FBXL17: variants seen among roughly 807,000 people sequenced by gnomAD.
FBXL17 encodes the protein F-box and leucine rich repeat protein 17.
A neutral mutation model predicts 66.2 loss-of-function variants in FBXL17; 22 were observed. That is an observed-to-expected ratio of 0.33 (90% CI 0.24 to 0.47). The LOEUF is 0.47. Ranked by LOEUF, FBXL17 falls within the 20% of genes least tolerant of loss-of-function variation. The probability of loss-of-function intolerance (pLI) is 1.00; values close to 1 mark genes in which losing one functional copy is unlikely to be tolerated. For missense variants in FBXL17, 878 were observed against 948.2 expected, an observed-to-expected ratio of 0.93 and a Z score of 0.97; for synonymous variants, 474 against 400.5, an observed-to-expected ratio of 1.18 and a Z score of -2.19.
chr5:108,029,272 A>C (rs1408633775), intron 6 of FBXL17, among the ~76,000 whole-genome samples: 1 of 152,146 alleles, frequency 6.6e-6, no homozygotes, highest in Non-Finnish European at 1.5e-5. Flanking sequence ...TAGGGAGCAG[A>C]AAAAGTGTAG....
chr5:108,235,174 T>C (rs1031276792), intron 4 of FBXL17, among the ~76,000 whole-genome samples: 3 of 152,214 alleles, frequency 2.0e-5, no homozygotes, highest in African/African-American at 7.2e-5. Flanking sequence ...TTAATCTGTG[T>C]AATTCTACAT....
chr5:108,009,282 T>TAGATAGATAGATAGATAG lies in FBXL17; in HGVS notation c.1822+11642_1822+11643insCTATCTATCTATCTATCT, dbSNP rs1216444049. On this transcript the variant is annotated intron_variant, in intron 7 of 8. Coordinates refer to ENST00000542267, the MANE Select transcript of FBXL17 (RefSeq NM_001163315.3). Reference sequence around the variant, plus strand: ...TGTTTTATATATATATATATATATATATATATATATATATATATACATATA... The same window carrying TAGATAGATAGATAGATAG: ...TGTTTTATATATATATATATATATATAGATAGATAGATAGATAGATATATATATATATATATACATATA... Among the ~76,000 whole-genome samples the TAGATAGATAGATAGATAG allele has an allele frequency of 1.0e-3, 55 of 54,758 alleles. 8 individuals carry two copies. Among genetic ancestry groups the TAGATAGATAGATAGATAG allele is most frequent in the Middle Eastern group, 6.5e-3 (1 of 154 alleles). The allele number at this position is 54,758 out of a possible 152,430, so 35.9% of individuals were successfully genotyped here.
chr5:107,965,714 G>GCC (rs1752102070), intron 7 of FBXL17, among the ~76,000 whole-genome samples: 2 of 152,270 alleles, frequency 1.3e-5, no homozygotes, highest in South Asian at 4.1e-4. Context: ...ATTATACATG[G>GCC]AGGTATAGCC....
At chr5:108,238,927 A>T (rs1755728909) in intron 4 of FBXL17, among the ~76,000 whole-genome samples, 1 of 152,230 alleles carries the variant, frequency 6.6e-6, no homozygotes, top group Non-Finnish European at 1.5e-5. Flanking sequence ...AAATATTTTA[A>T]GTTGTAATTA....
chr5:107,978,066 T>C (rs920440963), intron 7 of FBXL17, among the ~76,000 whole-genome samples: 1 of 151,858 alleles, frequency 6.6e-6, no homozygotes, highest in Non-Finnish European at 1.5e-5. Context: ...CATTTCTTAT[T>C]CAGTCAGCCT....
rs1250547300 is a variant in FBXL17, at chr5:107,995,846, G to T, written c.1822+25079C>A. Among the ~76,000 whole-genome samples, 4 of 152,204 alleles carry T rather than the reference G, an allele frequency of 2.6e-5. No homozygotes were observed. In the East Asian group the frequency reaches 7.7e-4, roughly 29 times the overall value. On this transcript the variant is annotated intron_variant, in intron 7 of 8. Transcript: ENST00000542267. The stretch of plus-strand genomic sequence containing the variant: ...ATTCTAAAAGAAGGTGAAAGTTGAG[G>T]ACAGTAAATTTGAAAAATGGAAAAA...
chr5:107,925,928 T>C (rs1750510632), intron 7 of FBXL17, among the ~76,000 whole-genome samples: 1 of 152,218 alleles, frequency 6.6e-6, no homozygotes, highest in Non-Finnish European at 1.5e-5. Context: ...ACAGACTTTT[T>C]TGCATTTCTT....
chr5:107,952,076 C>T (rs66516440), intron 7 of FBXL17, among the ~76,000 whole-genome samples: 30,337 of 150,352 alleles, frequency 0.2, 3,802 homozygotes, highest in Non-Finnish European at 0.27. Context: ...TATTTTAACA[C>T]TTGCAGAACA....
intron 4 of FBXL17, among the ~76,000 whole-genome samples, chr5:108,249,927 A>G (rs1022909792): frequency 2.6e-5 from 4 of 152,126 alleles, no homozygotes; most frequent in African/African-American, 9.7e-5. Flanking sequence ...AAGAGATTGT[A>G]AAAATAGTAA....
chr5:107,970,208 AGCAT>A (rs1580265086), intron 7 of FBXL17, among the ~76,000 whole-genome samples: 2 of 152,270 alleles, frequency 1.3e-5, no homozygotes, highest in South Asian at 2.1e-4. Context: ...TCTAGGGCTC[AGCAT>A]GAACAAGAGG....
At chr5:108,175,195 G>A (rs1172558276) in intron 6 of FBXL17, among the ~76,000 whole-genome samples, 2 of 152,104 alleles carry the variant, frequency 1.3e-5, no homozygotes, top group Non-Finnish European at 2.9e-5. Flanking sequence ...TCTGAGCAGG[G>A]CCGTGTGTGA....
chr5:108,209,261 A>G (rs1207685453), intron 5 of FBXL17, among the ~76,000 whole-genome samples: 1 of 152,144 alleles, frequency 6.6e-6, no homozygotes, highest in African/African-American at 2.4e-5. Context: ...CTTCAAAAAG[A>G]GACAATTTGA....
chr5:108,375,787 A>G (rs1342353679), intron 1 of FBXL17, among the ~76,000 whole-genome samples: 2 of 152,210 alleles, frequency 1.3e-5, no homozygotes, highest in Non-Finnish European at 2.9e-5. Flanking sequence ...AGGCCAGCAT[A>G]TCCTGATACC....
chr5:108,306,963 T>C (rs961211985), intron 4 of FBXL17, among the ~76,000 whole-genome samples: 5 of 152,096 alleles, frequency 3.3e-5, no homozygotes, highest in Admixed American at 2.0e-4. Context: ...CTCCCATTTA[T>C]TGGTTCTTAC....
At chr5:107,973,466 A>T (rs1486400729) in intron 7 of FBXL17, among the ~76,000 whole-genome samples, 1 of 149,908 alleles carries the variant, frequency 6.7e-6, no homozygotes, top group East Asian at 2.0e-4. Flanking sequence ...AAGCCAAAAG[A>T]TTGGACACCC....
At chr5:108,049,600 A>G (rs559013240) in intron 6 of FBXL17, among the ~76,000 whole-genome samples, 1 of 152,286 alleles carries the variant, frequency 6.6e-6, no homozygotes, top group East Asian at 1.9e-4. Context: ...CTAAATATGG[A>G]AAGGAAAAAC....
At chr5:108,057,814 A>G (rs1325468737) in intron 6 of FBXL17, among the ~76,000 whole-genome samples, 2 of 152,242 alleles carry the variant, frequency 1.3e-5, no homozygotes, top group Non-Finnish European at 2.9e-5. Flanking sequence ...TCAGACTAAT[A>G]GTCAATAATA....
chr5:107,913,504 T>C (rs1174121305), intron 7 of FBXL17, among the ~76,000 whole-genome samples: 1 of 152,146 alleles, frequency 6.6e-6, no homozygotes, highest in East Asian at 1.9e-4. Context: ...ACAATGATGA[T>C]GGTGTCACTT....
chr5:108,081,552 T>A (rs2149919391), intron 6 of FBXL17, among the ~76,000 whole-genome samples: 1 of 152,024 alleles, frequency 6.6e-6, no homozygotes, highest in South Asian at 2.1e-4. Flanking sequence ...AAACCCCGTC[T>A]CTACTAAAAA....
Sources: gnomAD v4.1 joint callset for allele counts (sites outside exome capture counted in the v4.1 genomes callset) on GRCh38, gnomAD v4.1.1 for gene constraint, MANE v1.5 for transcripts, NCBI Gene and HGNC (gene_info 2026-07-23, HGNC 2026-07-21) for gene names.